The following ELP3 variants were observed in gnomAD, a reference collection of about 807,000 sequenced individuals.
ELP3 encodes the protein elongator acetyltransferase complex subunit 3.
In ELP3, 56 loss-of-function variants were observed where a neutral mutation model predicts 74.9. The ratio of observed to expected loss-of-function variants is 0.75; its 90% CI spans 0.60 to 0.93. The LOEUF (loss-of-function observed/expected upper bound fraction) is 0.93. ELP3 is among the 40% of genes least tolerant of loss of function. The probability of loss-of-function intolerance (pLI) is 0.00; values close to 1 mark genes in which losing one functional copy is unlikely to be tolerated. For missense variants in ELP3, 573 were observed against 686.5 expected, an observed-to-expected ratio of 0.83 and a Z score of 1.85; for synonymous variants, 222 against 239.8, an observed-to-expected ratio of 0.93 and a Z score of 0.68.
intron 10 of ELP3, 80 bp downstream of exon 10, chr8:28,137,971 A>G (rs1813060756): frequency 3.8e-6 from 5 of 1,303,346 alleles, no homozygotes. Context: ...CTGATTTCAT[A>G]TTGAGGGTTT....
intron 12 of ELP3, 28 bp from the exon 13 acceptor site, chr8:28,160,201 A>G (rs757128431): frequency 1.3e-6 from 2 of 1,588,724 alleles, no homozygotes; most frequent in South Asian, 2.3e-5. Context: ...ATTTTGAATA[A>G]TATTTTTTGT....
At chr8:28,105,594 T>C (rs1811657518) in intron 3 of ELP3, among the ~76,000 whole-genome samples, 2 of 152,226 alleles carry the variant, frequency 1.3e-5, no homozygotes, top group South Asian at 2.1e-4. Flanking sequence ...CGAGGACATA[T>C]ATATGTATAG....
intron 3 of ELP3, among the ~76,000 whole-genome samples, chr8:28,101,518 A>G (rs1811485831): frequency 6.6e-6 from 1 of 152,000 alleles, no homozygotes; most frequent in African/African-American, 2.4e-5. Context: ...CTCTTAGCCA[A>G]TTTCTTTAGC....
chr8:28,146,086 T>G (rs908861341), intron 10 of ELP3, among the ~76,000 whole-genome samples: 2 of 152,004 alleles, frequency 1.3e-5, no homozygotes, highest in African/African-American at 4.8e-5. Flanking sequence ...ACCCATTACC[T>G]TTTTTTTAAA....
intron 6 of ELP3, chr8:28,112,752 T>G: frequency 3.8e-6 from 1 of 263,862 alleles, no homozygotes; most frequent in Non-Finnish European, 7.1e-6. Context: ...TCTTCGTGTT[T>G]TTAAATTTCC....
At position 28,093,548 on chromosome 8, in the gene ELP3, T is replaced by G. The variant is rs1811131857; in HGVS notation, c.19+315T>G. The G allele has an allele frequency of 1.4e-5, 6 of 415,822 alleles. No homozygotes were observed. In the East Asian group the frequency reaches 2.7e-4, roughly 19 times the overall value. The allele number at this position is 415,822 out of a possible 1,614,324, so 25.8% of individuals were successfully genotyped here. On this transcript the variant is annotated intron_variant, in intron 1 of 14. Coordinates refer to ENST00000256398, the MANE Select transcript of ELP3 (RefSeq NM_018091.6). ...ATTTAACGGGTTGTAGGACTTTTCA[T>G]TTGTTAAGATTTGTTTCACGACACA...
intron 14 of ELP3, among the ~76,000 whole-genome samples, chr8:28,187,571 C>A (rs544328617): frequency 1.3e-5 from 2 of 152,152 alleles, no homozygotes; most frequent in African/African-American, 2.4e-5. Flanking sequence ...AGTGCACGCC[C>A]GTCTCAGGAC....
intron 7 of ELP3, among the ~76,000 whole-genome samples, chr8:28,125,979 G>A (rs1812560795): frequency 6.6e-6 from 1 of 152,016 alleles, no homozygotes; most frequent in African/African-American, 2.4e-5. Context: ...TCCCAGTTAT[G>A]CCTAATTCAT....
Position 28,093,171 on chromosome 8 carries a change from G to A in ELP3, c.-44G>A, listed in dbSNP as rs774931664. Reference sequence around the variant, plus strand: ...AGCTTTCCCCGTGGTCTGAGTTTGTGGCTGCATTTTTATCTCTGGTGGCTC... The same window carrying A: ...AGCTTTCCCCGTGGTCTGAGTTTGTAGCTGCATTTTTATCTCTGGTGGCTC... On this transcript the variant is annotated 5_prime_UTR_variant, in exon 1 of 15. Coordinates refer to ENST00000256398, the MANE Select transcript of ELP3 (RefSeq NM_018091.6). The A allele has an allele frequency of 2.5e-6, 4 of 1,609,370 alleles. No individual in the cohort carries two copies. The highest frequency in any genetic ancestry group is 3.4e-6 in the Non-Finnish European group (4 of 1,178,758).
At position 28,108,677 on chromosome 8, in the gene ELP3, G is replaced by A. The variant is rs938345377; in HGVS notation, c.393+701G>A. Among the ~76,000 whole-genome samples the A allele has an allele frequency of 3.3e-5, 5 of 151,968 alleles. No individual in the cohort carries two copies. In the East Asian group the frequency reaches 7.7e-4, roughly 23 times the overall value. On this transcript the variant is annotated intron_variant, in intron 5 of 14. Transcript: ENST00000256398. ...TCATCATGTTGGCCAGCCTGGTCTC[G>A]AACTGCTGACCTTAAGTGATCCGCC...
At chr8:28,149,074 C>T (rs1305839109) in intron 10 of ELP3, among the ~76,000 whole-genome samples, 3 of 152,168 alleles carry the variant, frequency 2.0e-5, no homozygotes, top group Non-Finnish European at 4.4e-5. Context: ...TGGGCCCTCA[C>T]CAGGCACTGA....
chr8:28,135,219 C>T (rs117464778), intron 9 of ELP3, among the ~76,000 whole-genome samples: 6,628 of 152,268 alleles, frequency 0.044, 494 homozygotes, highest in African/African-American at 0.15. Flanking sequence ...TGAGCCACTG[C>T]GCCTGGCCTA....
intron 7 of ELP3, among the ~76,000 whole-genome samples, chr8:28,125,226 G>A (rs1005136626): frequency 4.6e-5 from 7 of 152,224 alleles, no homozygotes; most frequent in East Asian, 1.9e-4. Context: ...TTTTGGGACC[G>A]TAGATGGAGA....
Position 28,187,106 on chromosome 8 carries a change from T to G in ELP3, c.1568-2543T>G, listed in dbSNP as rs185687203. Reference sequence around the variant, plus strand: ...GCTCCTGTTTCTCCAGACTCTTCCTTTACTCAGGCTAAATACCCTGGAGTC... The same window carrying G: ...GCTCCTGTTTCTCCAGACTCTTCCTGTACTCAGGCTAAATACCCTGGAGTC... On this transcript the variant is annotated intron_variant, in intron 14 of 14. Transcript: ENST00000256398. Among the ~76,000 whole-genome samples the G allele has an allele frequency of 5.9e-5, 9 of 152,222 alleles. No individual in the cohort carries two copies. In the East Asian group the frequency reaches 1.4e-3, roughly 23 times the overall value.
At chr8:28,127,818 G>A (rs1310731546) in intron 7 of ELP3, among the ~76,000 whole-genome samples, 1 of 152,074 alleles carries the variant, frequency 6.6e-6, no homozygotes, top group Non-Finnish European at 1.5e-5. Context: ...TGTTGCCTGT[G>A]GTAATCCTAC....
At chr8:28,165,005 G>A (rs893363438) in intron 14 of ELP3, among the ~76,000 whole-genome samples, 17 of 152,070 alleles carry the variant, frequency 1.1e-4, no homozygotes, top group African/African-American at 2.7e-4. Flanking sequence ...TTTTGTCAGC[G>A]TTACCTCATT....
chr8:28,101,575 A>G lies in ELP3; in HGVS notation c.258+1609A>G, dbSNP rs561453324. On this transcript the variant is annotated intron_variant, in intron 3 of 14. Transcript: ENST00000256398. ...TAAAATAACATTCTTTACATAATAG[A>G]TAAGTCTTGACTTTCTTTTTTTTTT... Among the ~76,000 whole-genome samples the G allele has an allele frequency of 4.7e-5, 7 of 148,732 alleles. No homozygotes were observed. In the East Asian group the frequency reaches 1.0e-3, roughly 22 times the overall value.
At chr8:28,174,717 G>A (rs978681988) in intron 14 of ELP3, among the ~76,000 whole-genome samples, 1 of 152,080 alleles carries the variant, frequency 6.6e-6, no homozygotes, top group Non-Finnish European at 1.5e-5. Flanking sequence ...GTTTACTTAT[G>A]TAATTATCTT....
intron 10 of ELP3, among the ~76,000 whole-genome samples, chr8:28,140,929 A>G (rs1305336115): frequency 1.3e-5 from 2 of 152,234 alleles, no homozygotes; most frequent in African/African-American, 4.8e-5. Context: ...AGAAACACAC[A>G]TAAAACAAGG....
Sources: gnomAD v4.1 joint callset for allele counts (sites outside exome capture counted in the v4.1 genomes callset) on GRCh38, gnomAD v4.1.1 for gene constraint, MANE v1.5 for transcripts, NCBI Gene and HGNC (gene_info 2026-07-23, HGNC 2026-07-21) for gene names.